Variants in AARS2 observed in about 807,000 individuals in gnomAD.
The protein encoded by AARS2 is alanyl-tRNA synthetase 2, mitochondrial.
AARS2 carries 78 observed loss-of-function variants against 119.7 expected under a neutral mutation model. The ratio of observed to expected loss-of-function variants is 0.65; its 90% confidence interval spans 0.54 to 0.79. AARS2 has a LOEUF of 0.79. AARS2 is among the 30% of genes least tolerant of loss of function. AARS2 has a pLI of 0.00. For synonymous variants in AARS2, 502 were observed against 526.3 expected (o/e 0.95, Z 0.63); for missense variants, 1,157 against 1,291.3 (o/e 0.90, Z 1.59).
chr6:44,306,836 C>T, intron 7 of AARS2, 87 bp downstream of exon 7: 1 of 1,316,550 alleles, frequency 7.6e-7, no homozygotes, highest in African/African-American at 1.4e-5. Context: ...CTCTGGGCAC[C>T]CAGGCTGGGG....
intron 5 of AARS2, 120 bp downstream of exon 5, chr6:44,310,178 TG>T: frequency 7.4e-7 from 1 of 1,347,336 alleles, no homozygotes; most frequent in Non-Finnish European, 1.0e-6. Context: ...TTGGAATTCT[TG>T]GTTGGTTATT....
chr6:44,309,134 A>C (rs956158007), intron 5 of AARS2, among the ~76,000 whole-genome samples: 1 of 152,180 alleles, frequency 6.6e-6, no homozygotes, highest in Admixed American at 6.5e-5. Flanking sequence ...CATAGAATAC[A>C]GTGGAAACAA....
chr6:44,312,330 G>T, intron 1 of AARS2, 67 bp from the exon 2 acceptor site: 1 of 1,520,244 alleles, frequency 6.6e-7, no homozygotes, highest in Non-Finnish European at 9.0e-7. Context: ...GAAATGTGGG[G>T]AGTGAGGATA....
rs945272758 is a variant in AARS2, at chr6:44,299,641, C to G, written c.*906G>C. ...AGGAAGGAACTGTCAGTTTAGTGCCCGCCACGTTCTCAGTTGCTCAATTCA... is the reference window on the plus strand; with the variant it reads ...AGGAAGGAACTGTCAGTTTAGTGCCGGCCACGTTCTCAGTTGCTCAATTCA... On this transcript the variant is annotated 3_prime_UTR_variant, in exon 22 of 22. Transcript: ENST00000244571. 6.6e-6 allele frequency: 1 copy of G among 152,058 alleles called. No individual in the cohort carries two copies. The highest frequency in any genetic ancestry group is 1.5e-5 in the Non-Finnish European group (1 of 68,022). The allele number at this position is 152,058 out of a possible 1,614,324, so 9.4% of individuals were successfully genotyped here. A position where few individuals can be genotyped will look rare whatever the true frequency, so the allele number is the denominator to read the frequency against.
At chr6:44,312,652 G>C (rs1459256584) in intron 1 of AARS2, among the ~76,000 whole-genome samples, 1 of 152,132 alleles carries the variant, frequency 6.6e-6, no homozygotes, top group Non-Finnish European at 1.5e-5. Context: ...CGGCCTCTAA[G>C]GTTAACTTAT....
In AARS2 at chr6:44,302,857, T is replaced by C; in HGVS notation, c.2309A>G (p.Gln770Arg). ...CAGGCGGGTAGTGCCCTTGGAAAGC[T>C]GGCGGTCCCCGATGATAACCAGGTC... ...VGDLVIIGDR[Q>R]LSKGTTRLLA... Residue 770 changes from glutamine to arginine, a missense_variant, in exon 17 of 22, where the codon CAG (glutamine) becomes CGG (arginine). Transcript: ENST00000244571. 1.2e-6 allele frequency: 2 copies of C among 1,614,152 alleles called. No homozygotes were observed. Among genetic ancestry groups the C allele is most frequent in the Non-Finnish European group, 1.7e-6 (2 of 1,180,032 alleles).
intron 21 of AARS2, 175 bp downstream of exon 21, chr6:44,300,981 T>TG (rs1335277454): frequency 2.8e-6 from 2 of 726,140 alleles, no homozygotes; most frequent in Non-Finnish European, 4.5e-6. Flanking sequence ...CCTTCTGGGG[T>TG]GGGGAGGGGC....
intron 11 of AARS2, 83 bp from the exon 12 acceptor site, chr6:44,304,900 C>A: frequency 1.2e-6 from 2 of 1,608,382 alleles, no homozygotes; most frequent in Non-Finnish European, 1.7e-6. Flanking sequence ...CCAACAAGCA[C>A]CCCCGCTGGC....
rs746761805 is a variant in AARS2, at chr6:44,303,153, A to G, written c.2168T>C (p.Val723Ala). 6 of 1,613,988 alleles carry G rather than the reference A, an allele frequency of 3.7e-6. No individual in the cohort carries two copies. Among genetic ancestry groups the G allele is most frequent in the Admixed American group, 3.3e-5 (2 of 59,998 alleles). The change falls in exon 16 of 22, where the codon GTG becomes GCG. Residue 723 changes from valine (V) to alanine (A), a missense_variant. Val to Ala is a moderately conservative substitution (Grantham distance 64). Transcript: ENST00000244571. ...GGCCACGGGCACCCCCACTGATACC[A>G]CCCGCACAGGGTCTGGGTAAACCTG... is the stretch of plus-strand genomic sequence containing the variant. ...LDEVYPDPVR[V>A]VSVGVPVAHA... is the part of the protein sequence containing the mutation.
At position 44,304,776 on chromosome 6, in the gene AARS2, C is replaced by T. The variant is rs142094090; in HGVS notation, c.1621G>A (p.Glu541Lys). Residue 541 changes from glutamate to lysine, a missense_variant, in exon 12 of 22, where the codon GAG (glutamate) becomes AAG (lysine). Transcript: ENST00000244571. ...ACGGAGGCCACTGCTGTCCCGTCCT[C>T]TGTATACAGTTGCAACACCTGGGCC... The part of the protein sequence containing the change: ...CEAQVLQLYT[E>K]DGTAVASVGK... 2,044 of 1,614,220 alleles carry T rather than the reference C, an allele frequency of 1.3e-3. 2 individuals carry two copies. Among genetic ancestry groups the T allele is most frequent in the Non-Finnish European group, 1.6e-3 (1,928 of 1,180,036 alleles).
intron 18 of AARS2, 72 bp downstream of exon 18, chr6:44,302,319 T>C: frequency 1.9e-6 from 3 of 1,613,296 alleles, no homozygotes; most frequent in Non-Finnish European, 2.5e-6. Context: ...AGGGAGAGTC[T>C]GAAGGAGTCC....
chr6:44,304,046 C>A, intron 14 of AARS2, 135 bp downstream of exon 14: 1 of 1,331,426 alleles, frequency 7.5e-7, no homozygotes, highest in Non-Finnish European at 1.0e-6. Context: ...AAGGACTTGC[C>A]CAGGGTCCCA....
At chr6:44,311,209 C>G (rs1172417744) in intron 3 of AARS2, 48 bp from the exon 4 acceptor site, 27 of 1,611,884 alleles carry the variant, frequency 1.7e-5, no homozygotes, top group Non-Finnish European at 2.0e-5. Context: ...GACCCAGAAG[C>G]TGGGACTCTC....
intron 14 of AARS2, among the ~76,000 whole-genome samples, chr6:44,303,840 G>A (rs1432174181): frequency 6.6e-6 from 1 of 152,212 alleles, no homozygotes. Flanking sequence ...AGGGAGACAG[G>A]GTGGCAGCAG....
chr6:44,304,578 C>G (rs1328205478), intron 12 of AARS2, 45 bp from the exon 13 acceptor site: 4 of 1,614,132 alleles, frequency 2.5e-6, no homozygotes, highest in Non-Finnish European at 3.4e-6. Context: ...TTTCCCTCCC[C>G]TTGGCTCCCA....
rs749523390 is a variant in AARS2 at position 44,305,611 on chromosome 6, G to A, written c.1434+42C>T. 1.2e-6 allele frequency: 2 copies of A among 1,612,682 alleles called. No individual in the cohort carries two copies. The highest frequency in any genetic ancestry group is 1.1e-5 in the South Asian group (1 of 91,012). ...CCCAGGAGCTCAGGGCTGGGGAAGAGGTGTCCTAACAGAACCCAGCATGGG... is the reference window on the plus strand; with the variant it reads ...CCCAGGAGCTCAGGGCTGGGGAAGAAGTGTCCTAACAGAACCCAGCATGGG... On this transcript the variant is annotated intron_variant, in intron 10 of 21. Coordinates refer to ENST00000244571, the MANE Select transcript of AARS2 (RefSeq NM_020745.4). This position sits in a 1 kb window ranked among gnomAD's most constrained non-coding sequence, Gnocchi z 4.6.
chr6:44,311,229 A>G, intron 3 of AARS2, 68 bp from the exon 4 acceptor site: 2 of 1,607,164 alleles, frequency 1.2e-6, no homozygotes, highest in South Asian at 2.2e-5. Context: ...CTCTGCCATG[A>G]GAGCCCCTCC....
At chr6:44,306,424 C>G (rs1343960090) in intron 8 of AARS2, 33 bp from the exon 9 acceptor site, 1 of 1,614,092 alleles carries the variant, frequency 6.2e-7, no homozygotes, top group South Asian at 1.1e-5. Context: ...GGAGCTGGGT[C>G]TCCTTGGAAG....
In AARS2 at chr6:44,310,313, T is replaced by C. The variant is rs1210230643; in HGVS notation, c.880A>G (p.Asn294Asp). Residue 294 changes from asparagine to aspartate, a missense_variant, in exon 5 of 22, where the codon AAC (asparagine) becomes GAC (aspartate). By Grantham distance (23) the Asn-to-Asp change is conservative. Coordinates refer to ENST00000244571, the MANE Select transcript of AARS2 (RefSeq NM_020745.4). The part of the protein sequence containing the change: ...YDTDLFSPLL[N>D]AIQQGCRAPP... ...GAGGCACTCACCTGCTGTATGGCGTTGAGCAGCGGGGAAAAGAGGTCAGTG... is the reference window on the plus strand; with the variant it reads ...GAGGCACTCACCTGCTGTATGGCGTCGAGCAGCGGGGAAAAGAGGTCAGTG... The C allele has an allele frequency of 1.2e-6, 2 of 1,604,250 alleles. No homozygotes were observed.
Sources: gnomAD v4.1 joint callset for allele counts (sites outside exome capture counted in the v4.1 genomes callset) on GRCh38, gnomAD v4.1.1 for gene constraint, Gnocchi (gnomAD v3.1) non-coding constraint, MANE v1.5 for transcripts, NCBI Gene and HGNC (gene_info 2026-07-23, HGNC 2026-07-21) for gene names.